DCBLD2: variants seen among roughly 807,000 people sequenced by gnomAD.
The protein encoded by DCBLD2 is discoidin, CUB and LCCL domain-containing protein 2.
In DCBLD2, 54 loss-of-function variants were observed where a neutral mutation model predicts 86.8. The ratio of observed to expected loss-of-function variants is 0.62; its 90% confidence interval spans 0.50 to 0.78. The LOEUF (loss-of-function observed/expected upper bound fraction) is 0.78. DCBLD2 is among the 30% of genes least tolerant of loss of function. The pLI, the probability that DCBLD2 is intolerant of heterozygous loss-of-function variation, is 0.00. For synonymous variants in DCBLD2, 354 were observed against 341.3 expected (o/e 1.04, Z -0.41); for missense variants, 908 against 954.2 (o/e 0.95, Z 0.64).
rs1941606230 is a variant in DCBLD2, at chr3:98,796,709, G to C, written c.*2663C>G. 1 of 152,574 alleles carries C rather than the reference G, an allele frequency of 6.6e-6. No homozygotes were observed. The highest frequency in any genetic ancestry group is 2.1e-4 in the South Asian group (1 of 4,828). 9.5% of individuals were successfully genotyped at this position (152,574 alleles called of 1,614,324 possible). ...GGACTAGACCCATCACATCCAACAG[G>C]ATCTATTTAGATTTACAGCATTTAA... is the stretch of plus-strand genomic sequence containing the variant. On this transcript the variant is annotated 3_prime_UTR_variant, in exon 16 of 16. Coordinates refer to ENST00000326840, the MANE Select transcript of DCBLD2 (RefSeq NM_080927.4).
chr3:98,859,506 G>C (rs114100217), intron 2 of DCBLD2, among the ~76,000 whole-genome samples: 3 of 152,154 alleles, frequency 2.0e-5, no homozygotes, highest in Non-Finnish European at 4.4e-5. Context: ...TCACATGGCC[G>C]GGTACGCCTC....
intron 9 of DCBLD2, chr3:98,815,666 GAT>G (rs1377813051): frequency 6.6e-6 from 1 of 152,082 alleles, no homozygotes; most frequent in African/African-American, 2.4e-5. Context: ...ATGTTCCAGA[GAT>G]AGAGAAAAGC....
intron 13 of DCBLD2, among the ~76,000 whole-genome samples, chr3:98,807,054 T>C (rs1941853164): frequency 6.6e-6 from 1 of 152,140 alleles, no homozygotes; most frequent in Non-Finnish European, 1.5e-5. Flanking sequence ...ACCTCTTTGC[T>C]TGACACTCAA....
At chr3:98,882,963 T>C (rs1407277184) in intron 1 of DCBLD2, among the ~76,000 whole-genome samples, 1 of 152,178 alleles carries the variant, frequency 6.6e-6, no homozygotes, top group African/African-American at 2.4e-5. Flanking sequence ...GGTCAAATGG[T>C]ATTTCTAGTT....
chr3:98,895,510 A>G (rs988592829), intron 1 of DCBLD2: 42 of 152,200 alleles, frequency 2.8e-4, no homozygotes, highest in African/African-American at 9.7e-4. Context: ...TTATAATCTT[A>G]TGATCTTACT....
chr3:98,852,279 C>G (rs917149237), intron 2 of DCBLD2, among the ~76,000 whole-genome samples: 7 of 150,264 alleles, frequency 4.7e-5, no homozygotes, highest in African/African-American at 1.7e-4. Context: ...AGGAGTCTCG[C>G]TCTGTCACCC....
chr3:98,839,163 CTTTCTTTCCTTTCTTT>C (rs751099787), intron 3 of DCBLD2, among the ~76,000 whole-genome samples: 8 of 89,602 alleles, frequency 8.9e-5, no homozygotes, highest in Admixed American at 7.2e-4. Context: ...TTCTTTCTTT[CTTTCTTTCCTTTCTTT>C]CTTCCTTCCT....
chr3:98,885,809 G>T (rs1031703535), intron 1 of DCBLD2, among the ~76,000 whole-genome samples: 3 of 151,714 alleles, frequency 2.0e-5, no homozygotes, highest in African/African-American at 7.3e-5. Flanking sequence ...GAGGAGAAGA[G>T]GACCCCACAG....
chr3:98,888,240 T>TA (rs1394805318), intron 1 of DCBLD2, among the ~76,000 whole-genome samples: 1 of 151,974 alleles, frequency 6.6e-6, no homozygotes, highest in Non-Finnish European at 1.5e-5. Context: ...ACCATTTTTT[T>TA]AAAAAGACAT....
At chr3:98,860,121 T>C (rs919006836) in intron 2 of DCBLD2, among the ~76,000 whole-genome samples, 2 of 152,138 alleles carry the variant, frequency 1.3e-5, no homozygotes, top group Non-Finnish European at 2.9e-5. Flanking sequence ...AGAAAGGGTA[T>C]CGGTGATAGA....
intron 3 of DCBLD2, among the ~76,000 whole-genome samples, chr3:98,842,970 T>A (rs1278433117): frequency 6.6e-6 from 1 of 151,934 alleles, no homozygotes; most frequent in Non-Finnish European, 1.5e-5. Flanking sequence ...GCCAAAAAAA[T>A]TAAAAACATA....
At chr3:98,852,182 T>C (rs900333356) in intron 2 of DCBLD2, among the ~76,000 whole-genome samples, 5 of 152,232 alleles carry the variant, frequency 3.3e-5, no homozygotes, top group African/African-American at 1.2e-4. Context: ...TTGATTAACT[T>C]TTCCAATGTG....
At position 98,901,285 on chromosome 3, in the gene DCBLD2, C is replaced by A; in HGVS notation, c.42G>T (p.Gln14His). ...CGGCCGCGGCCCGGACTTGGGGACA[C>A]TGCGGGCAGCGCCTGGCTCTCACCA... ...RAVVRARRCP[Q>H]CPQVRAAAAA... The change falls in exon 1 of 16, where the codon CAG (glutamine) becomes CAT (histidine). Residue 14 changes from glutamine to histidine, a missense_variant. By Grantham distance (24) the Gln-to-His change is conservative. Coordinates refer to ENST00000326840, the MANE Select transcript of DCBLD2 (RefSeq NM_080927.4). The A allele has an allele frequency of 6.6e-7, 1 of 1,524,780 alleles. No individual in the cohort carries two copies. Among genetic ancestry groups the A allele is most frequent in the Admixed American group, 2.0e-5 (1 of 50,234 alleles). The allele number at this position is 1,524,780 out of a possible 1,614,324, so 94.5% of individuals were successfully genotyped here. A position where few individuals can be genotyped will look rare whatever the true frequency, so the allele number is the denominator to read the frequency against.
chr3:98,850,631 A>T (rs1942817822), intron 2 of DCBLD2, among the ~76,000 whole-genome samples: 1 of 152,246 alleles, frequency 6.6e-6, no homozygotes, highest in African/African-American at 2.4e-5. Context: ...GGACTTCCAA[A>T]AATGTTTTAA....
intron 9 of DCBLD2, among the ~76,000 whole-genome samples, chr3:98,816,794 C>T (rs1230273834): frequency 6.6e-6 from 1 of 151,524 alleles, no homozygotes; most frequent in East Asian, 1.9e-4. Context: ...CTTTTTTTTC[C>T]ACTTTGAGAC....
intron 4 of DCBLD2, 115 bp from the exon 5 acceptor site, chr3:98,822,856 C>T (rs1210029920): frequency 2.4e-6 from 2 of 832,722 alleles, no homozygotes; most frequent in African/African-American, 3.5e-5. Flanking sequence ...ACCATAATTT[C>T]ACTACCCTCA....
At chr3:98,884,460 C>G (rs1476886930) in intron 1 of DCBLD2, among the ~76,000 whole-genome samples, 1 of 149,832 alleles carries the variant, frequency 6.7e-6, no homozygotes, top group Non-Finnish European at 1.5e-5. Context: ...CCTTGAATAT[C>G]TCTGCTGGAT....
intron 6 of DCBLD2, 152 bp downstream of exon 6, chr3:98,822,076 G>A (rs771677765): frequency 1.1e-6 from 1 of 951,548 alleles, no homozygotes; most frequent in South Asian, 1.3e-5. Context: ...AACAGACACT[G>A]AGCACACTAA....
chr3:98,816,687 A>T (rs149461911), intron 9 of DCBLD2, among the ~76,000 whole-genome samples: 1 of 152,332 alleles, frequency 6.6e-6, no homozygotes, highest in East Asian at 1.9e-4. Context: ...TAGTAATTGA[A>T]GACTTTTTAG....
Sources: gnomAD v4.1 joint callset for allele counts (sites outside exome capture counted in the v4.1 genomes callset) on GRCh38, gnomAD v4.1.1 for gene constraint, MANE v1.5 for transcripts, NCBI Gene and HGNC (gene_info 2026-07-23, HGNC 2026-07-21) for gene names.